Variants in CCDC15 observed in about 807,000 individuals in gnomAD.
CCDC15 encodes the protein coiled-coil domain-containing protein 15.
In CCDC15, 105 loss-of-function variants were observed where a neutral mutation model predicts 114.5. The observed-to-expected ratio is 0.92, with a 90% CI of 0.78 to 1.08. The LOEUF (loss-of-function observed/expected upper bound fraction) is 1.08, where lower values mean the gene tolerates loss of function less well. Ranked by LOEUF, CCDC15 falls within the 50% of genes least tolerant of loss-of-function variation. The pLI, the probability that CCDC15 is intolerant of heterozygous loss-of-function variation, is 0.00. For synonymous variants in CCDC15, 334 were observed against 377.8 expected, an observed-to-expected ratio of 0.88 and a Z score of 1.34; for missense variants, 1,105 against 1,093.6, an observed-to-expected ratio of 1.01 and a Z score of -0.15.
At chr11:125,028,514 G>A (rs183233254) in intron 13 of CCDC15, among the ~76,000 whole-genome samples, 1 of 152,044 alleles carries the variant, frequency 6.6e-6, no homozygotes, top group Admixed American at 6.6e-5. Flanking sequence ...TGGTGGTGGT[G>A]GTTTTGTTTT....
intron 4 of CCDC15, among the ~76,000 whole-genome samples, chr11:124,962,897 G>T (rs570120312): frequency 1.3e-5 from 2 of 152,300 alleles, no homozygotes; most frequent in Admixed American, 1.3e-4. Flanking sequence ...AGAACATGCG[G>T]TGTTTGGTTT....
At chr11:124,966,473 TTG>T (rs1947786229) in intron 4 of CCDC15, among the ~76,000 whole-genome samples, 1 of 143,406 alleles carries the variant, frequency 7.0e-6, no homozygotes, top group African/African-American at 2.8e-5. Context: ...CTTTTTTTTT[TTG>T]TTTGTTTTCC....
At chr11:124,994,429 T>G (rs1948327513) in intron 11 of CCDC15, among the ~76,000 whole-genome samples, 1 of 152,236 alleles carries the variant, frequency 6.6e-6, no homozygotes, top group Admixed American at 6.5e-5. Context: ...CCTAAGATTA[T>G]TTTAGGTCTC....
intron 11 of CCDC15, among the ~76,000 whole-genome samples, chr11:125,000,849 G>A (rs759184052): frequency 1.3e-5 from 2 of 152,072 alleles, no homozygotes; most frequent in Non-Finnish European, 2.9e-5. Context: ...TTGCTCCTAG[G>A]GGAGATACCA....
chr11:125,034,899 A>G (rs1030178124), intron 13 of CCDC15, among the ~76,000 whole-genome samples: 3 of 152,116 alleles, frequency 2.0e-5, no homozygotes, highest in Non-Finnish European at 4.4e-5. Flanking sequence ...ACAGAACTAT[A>G]TATATGCATA....
chr11:125,038,604 G>A lies in CCDC15; in HGVS notation c.2585G>A (p.Arg862Lys), dbSNP rs367781789. ...CAACAGAGAGAAAAAGAATACCTGA[G>A]GTAATTTGAAAAGGTCTTCATGATA... ...EKQQREKEYL[R>K]YVEALRAQIQ... is the part of the protein sequence containing the mutation. The change falls in exon 14 of 16, where the codon AGA becomes AAA. Residue 862 changes from arginine to lysine, a missense_variant and splice_region_variant. By Grantham distance (26) the Arg-to-Lys change is conservative. Coordinates refer to ENST00000344762, the MANE Select transcript of CCDC15 (RefSeq NM_025004.3). The A allele has an allele frequency of 3.7e-5, 58 of 1,552,484 alleles. 1 individual carries two copies. In the South Asian group the frequency reaches 6.1e-4, roughly 16 times the overall value.
intron 13 of CCDC15, among the ~76,000 whole-genome samples, chr11:125,007,569 T>C (rs1317968604): frequency 6.6e-6 from 1 of 152,218 alleles, no homozygotes; most frequent in African/African-American, 2.4e-5. Context: ...GATACACTGA[T>C]TTCTTTTCCT....
chr11:124,956,975 A>G (rs758880599), intron 2 of CCDC15, among the ~76,000 whole-genome samples: 8 of 152,222 alleles, frequency 5.3e-5, no homozygotes, highest in Non-Finnish European at 7.3e-5. Context: ...TCATAGCTTT[A>G]GACTACCTCC....
At chr11:125,033,026 T>G (rs1331700524) in intron 13 of CCDC15, among the ~76,000 whole-genome samples, 1 of 152,142 alleles carries the variant, frequency 6.6e-6, no homozygotes, top group Non-Finnish European at 1.5e-5. Flanking sequence ...GGAGAAAGAT[T>G]TATAGCATAA....
chr11:125,014,168 T>G (rs902075803), intron 13 of CCDC15, among the ~76,000 whole-genome samples: 3 of 152,156 alleles, frequency 2.0e-5, no homozygotes, highest in African/African-American at 7.2e-5. Flanking sequence ...GAGCATACAC[T>G]AAGAACATCG....
chr11:124,955,813 A>G (rs1184379348), intron 2 of CCDC15, among the ~76,000 whole-genome samples: 5 of 152,166 alleles, frequency 3.3e-5, no homozygotes, highest in African/African-American at 9.7e-5. Context: ...ATGTATATTC[A>G]TTGATTTATT....
intron 11 of CCDC15, among the ~76,000 whole-genome samples, chr11:125,003,442 T>C (rs145351017): frequency 3.9e-5 from 6 of 152,088 alleles, no homozygotes; most frequent in East Asian, 1.9e-4. Context: ...TTGATTGATA[T>C]AATATTTTCT....
chr11:124,990,565 T>A (rs1419108186), intron 8 of CCDC15, among the ~76,000 whole-genome samples: 1 of 152,200 alleles, frequency 6.6e-6, no homozygotes, highest in Non-Finnish European at 1.5e-5. Context: ...TGGAGATCCA[T>A]ACTTGGAAAA....
intron 5 of CCDC15, among the ~76,000 whole-genome samples, chr11:124,976,313 T>G (rs1239556029): frequency 6.6e-6 from 1 of 151,614 alleles, no homozygotes; most frequent in African/African-American, 2.4e-5. Flanking sequence ...ATGTTGGCAA[T>G]TGGTTGAATA....
intron 4 of CCDC15, among the ~76,000 whole-genome samples, chr11:124,965,741 G>A (rs931718673): frequency 2.0e-5 from 3 of 151,956 alleles, no homozygotes; most frequent in African/African-American, 7.2e-5. Context: ...TTAGGGTGAC[G>A]ATTTTAGATC....
intron 13 of CCDC15, among the ~76,000 whole-genome samples, chr11:125,015,330 A>G (rs1948621686): frequency 6.6e-6 from 1 of 152,140 alleles, no homozygotes; most frequent in Non-Finnish European, 1.5e-5. Context: ...TTGTTTTGCC[A>G]AGGATATATC....
chr11:124,958,625 C>T (rs1359341472), intron 2 of CCDC15, among the ~76,000 whole-genome samples: 2 of 152,018 alleles, frequency 1.3e-5, no homozygotes, highest in Non-Finnish European at 2.9e-5. Context: ...AAGTACTATA[C>T]TCAGTTAACA....
At chr11:125,040,114 C>T (rs1397936472) in intron 15 of CCDC15, among the ~76,000 whole-genome samples, 1 of 151,834 alleles carries the variant, frequency 6.6e-6, no homozygotes, top group Non-Finnish European at 1.5e-5. Flanking sequence ...GGCACGATCT[C>T]GGCTCACTGC....
intron 2 of CCDC15, 68 bp from the exon 3 acceptor site, chr11:124,959,047 G>A: frequency 9.2e-7 from 1 of 1,088,884 alleles, no homozygotes; most frequent in South Asian, 1.8e-5. Context: ...ACTGTTTTGT[G>A]TTTAAAACAG....
Sources: allele counts gnomAD v4.1 joint callset (sites outside exome capture counted in the v4.1 genomes callset), GRCh38; gene constraint gnomAD v4.1.1; transcripts MANE v1.5; gene names NCBI Gene and HGNC (gene_info 2026-07-23, HGNC 2026-07-21).